CNNM2: variants seen among roughly 807,000 people sequenced by gnomAD.
CNNM2 encodes metal transporter CNNM2.
CNNM2 carries 12 observed loss-of-function variants against 66.9 expected under a neutral mutation model. The ratio of observed to expected loss-of-function variants is 0.18; its 90% confidence interval spans 0.11 to 0.29. The LOEUF is 0.29. Ranked by LOEUF, CNNM2 falls within the 10% of genes least tolerant of loss-of-function variation. The pLI, the probability that CNNM2 is intolerant of heterozygous loss-of-function variation, is 1.00. For synonymous variants in CNNM2, 557 were observed against 501.8 expected, an observed-to-expected ratio of 1.11 and a Z score of -1.47; for missense variants, 705 against 1,167.7, an observed-to-expected ratio of 0.60 and a Z score of 5.77.
intron 1 of CNNM2, among the ~76,000 whole-genome samples, chr10:102,929,202 G>A (rs963031268): frequency 6.6e-6 from 1 of 152,166 alleles, no homozygotes; most frequent in African/African-American, 2.4e-5. Context: ...TGAGGTTGCA[G>A]TGAGCCGAGA....
chr10:102,918,310 C>A lies in CNNM2; in HGVS notation c.-171C>A. The A allele has an allele frequency of 8.4e-7, 1 of 1,187,986 alleles. No homozygotes were observed. Among genetic ancestry groups the A allele is most frequent in the Non-Finnish European group, 1.1e-6 (1 of 889,642 alleles). The allele number at this position is 1,187,986 out of a possible 1,614,324, so 73.6% of individuals were successfully genotyped here. On this transcript the variant is annotated 5_prime_UTR_variant, in exon 1 of 8. Transcript: ENST00000369878. This position sits in a 1 kb window ranked among gnomAD's most constrained non-coding sequence, Gnocchi z 4.1. The stretch of plus-strand genomic sequence containing the variant: ...CGCTCCTCTCCCTCCCTCTTTCCCT[C>A]CCGCGAGCCTCGGGGTTCCTCAGCT...
intron 1 of CNNM2, among the ~76,000 whole-genome samples, chr10:102,960,228 A>G (rs2063359404): frequency 6.6e-6 from 1 of 152,152 alleles, no homozygotes; most frequent in African/African-American, 2.4e-5. Context: ...TTCTATTTGC[A>G]CTTTATTGAA....
intron 4 of CNNM2, among the ~76,000 whole-genome samples, chr10:103,059,961 T>TC (rs1386385066): frequency 2.6e-5 from 4 of 151,862 alleles, no homozygotes; most frequent in Non-Finnish European, 5.9e-5. Flanking sequence ...CAGAGCAAGA[T>TC]CCCCTTCTCT....
intron 1 of CNNM2, among the ~76,000 whole-genome samples, chr10:102,922,991 T>TA (rs1248822780): frequency 2.0e-5 from 3 of 151,684 alleles, no homozygotes; most frequent in Non-Finnish European, 2.9e-5. Flanking sequence ...AGAACTTCTG[T>TA]ATTGAAGACT....
In CNNM2 at chr10:103,076,872, A is replaced by G; in HGVS notation, c.2419-99A>G. 1.4e-5 allele frequency: 15 copies of G among 1,057,094 alleles called. No individual in the cohort carries two copies. In the South Asian group the frequency reaches 2.0e-4, roughly 14 times the overall value. 65.5% of individuals were successfully genotyped at this position (1,057,094 alleles called of 1,614,324 possible). On this transcript the variant is annotated intron_variant, in intron 7 of 7. Coordinates refer to ENST00000369878, the MANE Select transcript of CNNM2 (RefSeq NM_017649.5). ...GCTCAAGTGTGATTTTCTCCTAGAG[A>G]GGCTGCTGTGGGCCTGTCGGGATTG...
At position 103,077,884 on chromosome 10, in the gene CNNM2, T is replaced by G. The variant is rs925127311; in HGVS notation, c.*704T>G. ...GGAAGATTTAACATTTGCTTGGGAA[T>G]GTGATTTTGCTCCCACCCTAAGGAA... is the stretch of plus-strand genomic sequence containing the variant. On this transcript the variant is annotated 3_prime_UTR_variant, in exon 8 of 8. Transcript: ENST00000369878. The G allele has an allele frequency of 6.5e-6, 1 of 152,674 alleles. No individual in the cohort carries two copies. The highest frequency in any genetic ancestry group is 1.5e-5 in the Non-Finnish European group (1 of 68,038). 9.5% of individuals were successfully genotyped at this position (152,674 alleles called of 1,614,324 possible).
In CNNM2 at chr10:103,082,340, C is replaced by T. The variant is rs1044623700; in HGVS notation, c.*5160C>T. 1.3e-5 allele frequency: 2 copies of T among 152,194 alleles called. No homozygotes were observed. The highest frequency in any genetic ancestry group is 2.9e-5 in the Non-Finnish European group (2 of 68,076). The allele number at this position is 152,194 out of a possible 1,614,324, so 9.4% of individuals were successfully genotyped here. On this transcript the variant is annotated 3_prime_UTR_variant, in exon 8 of 8. Coordinates refer to ENST00000369878, the MANE Select transcript of CNNM2 (RefSeq NM_017649.5). ...AATGGGCCTGGTGGGGCTTGGGTGC[C>T]TGCCTTTTTTGTTGGAGGCTCAGAC... is the stretch of plus-strand genomic sequence containing the variant.
At chr10:102,972,749 G>T (rs1002476887) in intron 1 of CNNM2, among the ~76,000 whole-genome samples, 1 of 152,152 alleles carries the variant, frequency 6.6e-6, no homozygotes, top group African/African-American at 2.4e-5. Context: ...TTGAGAGTGT[G>T]AAGGGGGTGG....
At chr10:103,056,642 G>A in intron 3 of CNNM2, 153 bp from the exon 4 acceptor site, 1 of 701,852 alleles carries the variant, frequency 1.4e-6, no homozygotes, top group Admixed American at 2.4e-5. Flanking sequence ...CAGGTAATCT[G>A]TCCCCAGTGG....
chr10:102,950,295 G>C (rs867006116), intron 1 of CNNM2, among the ~76,000 whole-genome samples: 8 of 152,108 alleles, frequency 5.3e-5, no homozygotes, highest in Admixed American at 2.0e-4. Flanking sequence ...AGTTATGAAG[G>C]TTACAGTTTC....
intron 1 of CNNM2, among the ~76,000 whole-genome samples, chr10:102,939,782 C>T (rs1846360521): frequency 6.6e-6 from 1 of 152,088 alleles, no homozygotes; most frequent in South Asian, 2.1e-4. Flanking sequence ...ATCAGCATGA[C>T]CAACATGGTG....
chr10:102,973,157 C>T (rs1378991415), intron 1 of CNNM2, among the ~76,000 whole-genome samples: 3 of 151,320 alleles, frequency 2.0e-5, no homozygotes, highest in Admixed American at 6.6e-5. Flanking sequence ...TCCATACTGG[C>T]CTTCATGTTC....
intron 1 of CNNM2, among the ~76,000 whole-genome samples, chr10:102,954,972 C>G (rs567488442): frequency 7.2e-5 from 11 of 152,088 alleles, no homozygotes; most frequent in African/African-American, 2.4e-4. Context: ...TTTATAGATT[C>G]GATGCCATCC....
chr10:102,979,926 T>A (rs561414332), intron 1 of CNNM2, among the ~76,000 whole-genome samples: 59 of 152,152 alleles, frequency 3.9e-4, no homozygotes, highest in African/African-American at 8.7e-4. Flanking sequence ...TTTTATTTTT[T>A]TTTTTGAGAC....
chr10:103,009,774 GTGT>G (rs2064304730), intron 1 of CNNM2, among the ~76,000 whole-genome samples: 1 of 151,372 alleles, frequency 6.6e-6, no homozygotes, highest in Non-Finnish European at 1.5e-5. Context: ...TCCATAGACA[GTGT>G]CTAAATGAGA....
At chr10:103,052,889 A>G (rs956446876) in intron 2 of CNNM2, among the ~76,000 whole-genome samples, 9 of 152,172 alleles carry the variant, frequency 5.9e-5, no homozygotes, top group African/African-American at 1.9e-4. Flanking sequence ...TAAATTCTGT[A>G]TTGATTTCTA....
At chr10:103,011,274 GA>G (rs2064337467) in intron 1 of CNNM2, among the ~76,000 whole-genome samples, 1 of 152,020 alleles carries the variant, frequency 6.6e-6, no homozygotes, top group Middle Eastern at 3.2e-3. Flanking sequence ...CCAACATGAT[GA>G]AACCCTGTCT....
At chr10:102,958,479 T>C (rs1488946202) in intron 1 of CNNM2, among the ~76,000 whole-genome samples, 1 of 130,582 alleles carries the variant, frequency 7.7e-6, no homozygotes, top group African/African-American at 3.0e-5. Flanking sequence ...TTTTTTTTTT[T>C]TTTTTTTTTT....
chr10:103,078,122 A>G lies in CNNM2; in HGVS notation c.*942A>G, dbSNP rs551928818. 14 of 152,436 alleles carry G rather than the reference A, an allele frequency of 9.2e-5. No individual in the cohort carries two copies. The highest frequency in any genetic ancestry group is 6.5e-4 in the Admixed American group (10 of 15,300). 9.4% of individuals were successfully genotyped at this position (152,436 alleles called of 1,614,324 possible). On this transcript the variant is annotated 3_prime_UTR_variant, in exon 8 of 8. Coordinates refer to ENST00000369878, the MANE Select transcript of CNNM2 (RefSeq NM_017649.5). ...GCTGCTACACAGATGCCAAATGGAA[A>G]TCTTCCACAGGGCTTTTTCAGTAAA...
Sources: gnomAD v4.1 joint callset for allele counts (sites outside exome capture counted in the v4.1 genomes callset) on GRCh38, gnomAD v4.1.1 for gene constraint, Gnocchi (gnomAD v3.1) non-coding constraint, MANE v1.5 for transcripts, NCBI Gene and HGNC (gene_info 2026-07-23, HGNC 2026-07-21) for gene names.